The following ITSN1 variants were observed in gnomAD, a reference collection of about 807,000 sequenced individuals.
ITSN1 encodes the protein intersectin 1.
Under a neutral mutation model 239.8 loss-of-function variants are expected in ITSN1, and 58 were observed. That is an observed-to-expected ratio of 0.24 (90% CI 0.20 to 0.30). The LOEUF (loss-of-function observed/expected upper bound fraction) is 0.30, where lower values mean the gene tolerates loss of function less well. Among genes scored for constraint, ITSN1 ranks in the 10% least tolerant of loss-of-function variants. The pLI, the probability that ITSN1 is intolerant of heterozygous loss-of-function variation, is 1.00. For synonymous variants in ITSN1, 780 were observed against 770.8 expected, an observed-to-expected ratio of 1.01 and a Z score of -0.20; for missense variants, 1,558 against 2,103.3, an observed-to-expected ratio of 0.74 and a Z score of 5.07.
At chr21:33,762,017 A>G in intron 9 of ITSN1, 31 bp downstream of exon 9, 2 of 1,545,726 alleles carry the variant, frequency 1.3e-6, no homozygotes, top group Non-Finnish European at 1.8e-6. Context: ...TGGTTTGGAT[A>G]AAGTGGAAAC....
chr21:33,728,616 A>G (rs2065973667), intron 4 of ITSN1, among the ~76,000 whole-genome samples: 1 of 152,124 alleles, frequency 6.6e-6, no homozygotes, highest in Admixed American at 6.5e-5. Context: ...CAGTTGCTCT[A>G]GTTCCTCACA....
intron 30 of ITSN1, among the ~76,000 whole-genome samples, chr21:33,857,460 A>T (rs1289334182): frequency 6.6e-6 from 1 of 152,222 alleles, no homozygotes; most frequent in Non-Finnish European, 1.5e-5. Flanking sequence ...CCTGCTGCTC[A>T]GCAGGCCTTT....
At chr21:33,830,040 T>A (rs575127164) in intron 27 of ITSN1, among the ~76,000 whole-genome samples, 19 of 152,340 alleles carry the variant, frequency 1.2e-4, no homozygotes, top group Admixed American at 2.6e-4. Flanking sequence ...CATATCCTTA[T>A]GTGCCTTGGC....
intron 1 of ITSN1, among the ~76,000 whole-genome samples, chr21:33,678,031 T>G (rs1392785859): frequency 6.6e-6 from 1 of 152,218 alleles, no homozygotes; most frequent in Non-Finnish European, 1.5e-5. Context: ...AGACTTCCCA[T>G]TACATTTAAA....
At chr21:33,692,023 A>G (rs368114789) in intron 1 of ITSN1, among the ~76,000 whole-genome samples, 4 of 152,208 alleles carry the variant, frequency 2.6e-5, no homozygotes, top group East Asian at 1.9e-4. Flanking sequence ...AATTTGATCA[A>G]ATATCAAAGG....
chr21:33,833,871 C>T (rs1260346986), intron 27 of ITSN1, among the ~76,000 whole-genome samples: 1 of 61,228 alleles, frequency 1.6e-5, no homozygotes, highest in Non-Finnish European at 3.6e-5. Context: ...GACTCCGTCT[C>T]AAAAAAAAAA....
intron 1 of ITSN1, among the ~76,000 whole-genome samples, chr21:33,672,083 A>G (rs2090321068): frequency 6.6e-6 from 1 of 152,036 alleles, no homozygotes; most frequent in Non-Finnish European, 1.5e-5. Flanking sequence ...CGTCTCTACT[A>G]AAAATACAAA....
At chr21:33,644,597 T>C (rs1287174541) in intron 1 of ITSN1, among the ~76,000 whole-genome samples, 1 of 152,006 alleles carries the variant, frequency 6.6e-6, no homozygotes, top group African/African-American at 2.4e-5. Context: ...CATTGTGAAA[T>C]AGGGCATAAA....
At chr21:33,816,543 C>G (rs1220973106) in intron 22 of ITSN1, among the ~76,000 whole-genome samples, 2 of 152,174 alleles carry the variant, frequency 1.3e-5, no homozygotes, top group South Asian at 4.1e-4. Flanking sequence ...GGGATTCAAA[C>G]CCAGAGTCCA....
At position 33,898,857 on chromosome 21, in the gene ITSN1, G is replaced by C. The variant is rs1184733606; in HGVS notation, c.*10557G>C. On this transcript the variant is annotated 3_prime_UTR_variant, in exon 40 of 40. Transcript: ENST00000381318. ...GCTGCTGACTTCAGGAGTATGGGAA[G>C]CTGTGATTTCTGGAAGCTTCCTGGA... The C allele has an allele frequency of 3.9e-5, 6 of 152,268 alleles. No homozygotes were observed. The highest frequency in any genetic ancestry group is 3.9e-4 in the Admixed American group (6 of 15,288). The allele number at this position is 152,268 out of a possible 1,614,324, so 9.4% of individuals were successfully genotyped here. A position where few individuals can be genotyped will look rare whatever the true frequency, so the allele number is the denominator to read the frequency against.
In ITSN1 at chr21:33,670,423, T is replaced by C. The variant is rs142448949; in HGVS notation, c.-33+27710T>C. On this transcript the variant is annotated intron_variant, in intron 1 of 39. Coordinates refer to ENST00000381318, the MANE Select transcript of ITSN1 (RefSeq NM_003024.3). The stretch of plus-strand genomic sequence containing the variant: ...AATTTATGATTTGGTTATTAACTTA[T>C]TTAAAATGAAAAATAAACCCATGTA... Among the ~76,000 whole-genome samples the C allele has an allele frequency of 5.2e-4, 79 of 152,158 alleles. No individual in the cohort carries two copies. In the East Asian group the frequency reaches 0.015, roughly 29 times the overall value.
chr21:33,765,947 T>G lies in ITSN1; in HGVS notation c.861T>G (p.Asp287Glu), dbSNP rs1006326896. Residue 287 changes from aspartate (D) to glutamate (E), a missense_variant, in exon 10 of 40, where the codon GAT becomes GAG. This residue lies in a region of ITSN1 where 982 missense variants were observed against 1,209.9 expected (regional missense o/e 0.81). Transcript: ENST00000381318. ...EEFILAMHLI[D>E]VAMSGQPLPP... ...TTATCCTGGCAATGCACCTCATTGA[T>G]GTAGCTATGTCTGGCCAACCACTGC... is the stretch of plus-strand genomic sequence containing the variant. 4 of 1,614,038 alleles carry G rather than the reference T, an allele frequency of 2.5e-6. No homozygotes were observed. The Admixed American group carries it at 6.7e-5, about 27-fold the overall frequency.
chr21:33,832,036 G>T (rs1316480264), intron 27 of ITSN1, among the ~76,000 whole-genome samples: 1 of 152,174 alleles, frequency 6.6e-6, no homozygotes, highest in African/African-American at 2.4e-5. Flanking sequence ...CCCATCGCCT[G>T]TCCTCCTTGC....
Position 33,771,897 on chromosome 21 carries a change from G to A in ITSN1, c.1043-164G>A, listed in dbSNP as rs147158352. ...GGAGAAGATATAAACAGAGAGGTTA[G>A]GCAAAGGGGGTTTTCGTTGTGCTCA... On this transcript the variant is annotated intron_variant, in intron 11 of 39. Transcript: ENST00000381318. The A allele has an allele frequency of 5.6e-4, 389 of 694,412 alleles. 2 individuals carry two copies. The African/African-American group carries it at 6.7e-3, about 12-fold the overall frequency. The allele number at this position is 694,412 out of a possible 1,614,324, so 43.0% of individuals were successfully genotyped here.
intron 29 of ITSN1, among the ~76,000 whole-genome samples, chr21:33,850,553 G>A (rs1002010497): frequency 2.6e-5 from 4 of 152,202 alleles, no homozygotes; most frequent in African/African-American, 9.6e-5. Flanking sequence ...GGGACTCCCA[G>A]GTCTAGCAAC....
At chr21:33,775,506 T>A (rs1418700666) in intron 14 of ITSN1, among the ~76,000 whole-genome samples, 1 of 152,146 alleles carries the variant, frequency 6.6e-6, no homozygotes, top group Non-Finnish European at 1.5e-5. Context: ...ATGTTGTGAT[T>A]TTAACTAAGG....
chr21:33,755,935 A>C (rs191814252), intron 8 of ITSN1, among the ~76,000 whole-genome samples: 1 of 152,340 alleles, frequency 6.6e-6, no homozygotes, highest in Admixed American at 6.5e-5. Context: ...TCTGTTATCT[A>C]CGTCAGAAGG....
Position 33,797,344 on chromosome 21 carries a change from GCTTT to G in ITSN1, c.1953-31_1953-28del, listed in dbSNP as rs781153680. On this transcript the variant is annotated intron_variant, in intron 17 of 39. Transcript: ENST00000381318. This position sits in a 1 kb window ranked among gnomAD's most constrained non-coding sequence, Gnocchi z 4.9. ...GCAACAGTAGTGTTAACTTAGAGTT[GCTTT>G]CTTGCTGTAATCAAGCGTGTTTGTT... 7 of 1,583,418 alleles carry G rather than the reference GCTTT, an allele frequency of 4.4e-6. No individual in the cohort carries two copies. The highest frequency in any genetic ancestry group is 1.3e-5 in the African/African-American group (1 of 74,156).
intron 29 of ITSN1, among the ~76,000 whole-genome samples, chr21:33,851,906 C>T (rs1031299445): frequency 6.6e-6 from 1 of 150,666 alleles, no homozygotes; most frequent in Non-Finnish European, 1.5e-5. Flanking sequence ...GCCTCAGCCT[C>T]CCAAGTAGCT....
Sources: allele counts gnomAD v4.1 joint callset (sites outside exome capture counted in the v4.1 genomes callset), GRCh38; gene constraint gnomAD v4.1.1; regional missense constraint gnomAD v4.1.1; non-coding constraint Gnocchi (gnomAD v3.1); transcripts MANE v1.5; gene names NCBI Gene and HGNC (gene_info 2026-07-23, HGNC 2026-07-21).